The following DLGAP2 variants were observed in gnomAD, a reference collection of about 807,000 sequenced individuals.
The protein encoded by DLGAP2 is disks large-associated protein 2.
Under a neutral mutation model 100.3 loss-of-function variants are expected in DLGAP2, and 26 were observed. That is an observed-to-expected ratio of 0.26 (90% CI 0.19 to 0.36). DLGAP2 has a LOEUF of 0.36. DLGAP2 is among the 10% of genes least tolerant of loss of function. DLGAP2 has a pLI of 1.00. For synonymous variants in DLGAP2, 886 were observed against 630.1 expected, an observed-to-expected ratio of 1.41 and a Z score of -6.08; for missense variants, 1,858 against 1,453.2, an observed-to-expected ratio of 1.28 and a Z score of -4.53.
intron 2 of DLGAP2, among the ~76,000 whole-genome samples, chr8:1,239,642 A>C (rs1458713629): frequency 3.0e-3 from 38 of 12,862 alleles, no homozygotes; most frequent in Non-Finnish European, 2.8e-3. Context: ...GTGTCTAGTT[A>C]CCTCTCACAT....
intron 3 of DLGAP2, among the ~76,000 whole-genome samples, chr8:1,497,764 C>G (rs1799592295): frequency 6.6e-6 from 1 of 152,200 alleles, no homozygotes; most frequent in Admixed American, 6.5e-5. Flanking sequence ...TCCCCGCTGT[C>G]CACGGGGACA....
chr8:1,005,640 A>C (rs1056818514), intron 2 of DLGAP2, among the ~76,000 whole-genome samples: 6 of 150,692 alleles, frequency 4.0e-5, no homozygotes, highest in African/African-American at 1.2e-4. Context: ...GGCTGGTCTC[A>C]AATTCCTAGG....
chr8:1,627,846 G>A (rs1797545540), intron 7 of DLGAP2, among the ~76,000 whole-genome samples: 1 of 151,776 alleles, frequency 6.6e-6, no homozygotes, highest in African/African-American at 2.4e-5. Context: ...TTAAGAGCCT[G>A]AGCCGACCTC....
intron 3 of DLGAP2, among the ~76,000 whole-genome samples, chr8:1,370,341 C>A (rs998800713): frequency 1.3e-5 from 2 of 152,158 alleles, no homozygotes; most frequent in Non-Finnish European, 1.5e-5. Flanking sequence ...CCCTTGCTCT[C>A]CCTGGGCAGG....
intron 1 of DLGAP2, among the ~76,000 whole-genome samples, chr8:858,058 T>C: frequency 6.6e-6 from 1 of 152,154 alleles, no homozygotes; most frequent in East Asian, 1.9e-4. Flanking sequence ...GGTTTCACCG[T>C]GTTGGCCAGG....
At chr8:1,691,345 C>G (rs1190392746) in intron 12 of DLGAP2, among the ~76,000 whole-genome samples, 190 bp from the exon 13 acceptor site, 4 of 152,318 alleles carry the variant, frequency 2.6e-5, no homozygotes, top group South Asian at 2.1e-4. Flanking sequence ...CTGGTCATCT[C>G]TGGATTTCCT....
At chr8:1,377,155 A>C (rs1457339125) in intron 3 of DLGAP2, among the ~76,000 whole-genome samples, 1 of 152,128 alleles carries the variant, frequency 6.6e-6, no homozygotes, top group East Asian at 1.9e-4. Context: ...GCCCCACAGC[A>C]CCTGTCCCTA....
At chr8:1,172,498 C>T (rs999176742) in intron 2 of DLGAP2, among the ~76,000 whole-genome samples, 1 of 152,222 alleles carries the variant, frequency 6.6e-6, no homozygotes, top group Non-Finnish European at 1.5e-5. Flanking sequence ...TGGTTCTGTT[C>T]TCCCTGTCAC....
rs145995984 is a variant in DLGAP2, at chr8:1,367,414, A to C, written c.106+108531A>C. ...AAAATCCACAGACCAACTAGCACAC[A>C]AAAATTAGCACACACTAATGGGCGT... On this transcript the variant is annotated intron_variant, in intron 3 of 14. Coordinates refer to ENST00000637795, the MANE Select transcript of DLGAP2 (RefSeq NM_001346810.2). 4.2e-3 allele frequency among the ~76,000 whole-genome samples: 643 copies of C among 152,328 alleles called. 3 individuals are homozygous for C. The highest frequency in any genetic ancestry group is 0.015 in the African/African-American group (612 of 41,556).
chr8:1,333,768 G>C (rs779449128), intron 3 of DLGAP2, among the ~76,000 whole-genome samples: 1 of 152,208 alleles, frequency 6.6e-6, no homozygotes, highest in Non-Finnish European at 1.5e-5. Flanking sequence ...TTTTAATGGG[G>C]AACTTTCTTT....
chr8:923,852 T>G (rs781142197), intron 2 of DLGAP2, among the ~76,000 whole-genome samples: 1 of 152,200 alleles, frequency 6.6e-6, no homozygotes, highest in Admixed American at 6.5e-5. Flanking sequence ...GTCTAAAGTT[T>G]ATGAGATGCA....
intron 3 of DLGAP2, among the ~76,000 whole-genome samples, chr8:1,452,267 TGG>T (rs1798183982): frequency 6.6e-6 from 1 of 152,170 alleles, no homozygotes; most frequent in Non-Finnish European, 1.5e-5. Context: ...GTTCTGTGGC[TGG>T]GTGTTCTGTG....
At position 1,344,249 on chromosome 8, in the gene DLGAP2, GC is replaced by G. The variant is rs1801503612; in HGVS notation, c.106+85369del. ...TGTAGAATCTGTAGCTGCACACTTC[GC>G]CCAGTCTCCCCTCGAGCTACGTGCC... On this transcript the variant is annotated intron_variant, in intron 3 of 14. Coordinates refer to ENST00000637795, the MANE Select transcript of DLGAP2 (RefSeq NM_001346810.2). 5.0e-5 allele frequency among the ~76,000 whole-genome samples: 6 copies of G among 118,952 alleles called. No homozygotes were observed. In the South Asian group the frequency reaches 1.8e-3, roughly 35 times the overall value. 78.0% of individuals were successfully genotyped at this position (118,952 alleles called of 152,430 possible).
intron 2 of DLGAP2, among the ~76,000 whole-genome samples, chr8:1,173,727 A>G (rs62488988): frequency 0.19 from 28,489 of 152,174 alleles, 2,847 homozygotes; most frequent in Middle Eastern, 0.34. Context: ...TTTTAAGCCC[A>G]TCGGAAAAAG....
intron 2 of DLGAP2, among the ~76,000 whole-genome samples, chr8:911,104 G>A (rs1416196397): frequency 2.0e-5 from 3 of 151,992 alleles, no homozygotes; most frequent in Non-Finnish European, 4.4e-5. Flanking sequence ...AAGTGAACCC[G>A]TCTAAAGTTT....
At chr8:1,200,966 C>T (rs1216484317) in intron 2 of DLGAP2, among the ~76,000 whole-genome samples, 1 of 152,330 alleles carries the variant, frequency 6.6e-6, no homozygotes, top group Non-Finnish European at 1.5e-5. Flanking sequence ...CGGGGCGCTG[C>T]GCTCGGCCTT....
At position 1,062,720 on chromosome 8, in the gene DLGAP2, AG is replaced by A. The variant is rs1340738142; in HGVS notation, c.73+154755del. ...CTCATCTCTTGATAGTCGTTGTGAT[AG>A]CAGCTGGGGGTAGTTGGGGGGAGAC... is the stretch of plus-strand genomic sequence containing the variant. On this transcript the variant is annotated intron_variant, in intron 2 of 14. Coordinates refer to ENST00000637795, the MANE Select transcript of DLGAP2 (RefSeq NM_001346810.2). Among the ~76,000 whole-genome samples, 38 of 152,086 alleles carry A rather than the reference AG, an allele frequency of 2.5e-4. 1 individual carries two copies. The highest frequency in any genetic ancestry group is 2.0e-3 in the Admixed American group (31 of 15,268).
At chr8:1,676,710 A>C (rs1036674723) in intron 11 of DLGAP2, 92 bp downstream of exon 11, 18 of 1,269,300 alleles carry the variant, frequency 1.4e-5, no homozygotes, top group Non-Finnish European at 2.0e-5. Context: ...CCGGCCCTCA[A>C]TCATGCCTGT....
intron 5 of DLGAP2, among the ~76,000 whole-genome samples, chr8:1,564,919 C>T (rs140506084): frequency 1.1e-4 from 16 of 152,044 alleles, no homozygotes; most frequent in Middle Eastern, 6.8e-3. Context: ...ATATAACATG[C>T]GTGGGTGCTG....
Sources: gnomAD v4.1 joint callset for allele counts (sites outside exome capture counted in the v4.1 genomes callset) on GRCh38, gnomAD v4.1.1 for gene constraint, MANE v1.5 for transcripts, NCBI Gene and HGNC (gene_info 2026-07-23, HGNC 2026-07-21) for gene names.